CCDC7: variants seen among roughly 807,000 people sequenced by gnomAD.
CCDC7 encodes coiled-coil domain-containing protein 7.
CCDC7 carries 183 observed loss-of-function variants against 196.9 expected under a neutral mutation model. The ratio of observed to expected loss-of-function variants is 0.93; its 90% CI spans 0.82 to 1.05. The LOEUF (loss-of-function observed/expected upper bound fraction) is 1.05, where lower values mean the gene tolerates loss of function less well. Among genes scored for constraint, CCDC7 ranks in the 50% least tolerant of loss-of-function variants. CCDC7 has a pLI of 0.00. For synonymous variants in CCDC7, 525 were observed against 484.6 expected (o/e 1.08, Z -1.10); for missense variants, 1,540 against 1,482.2 (o/e 1.04, Z -0.64).
intron 23 of CCDC7, among the ~76,000 whole-genome samples, chr10:32,694,261 C>T (rs565461147): frequency 4.0e-4 from 61 of 152,198 alleles, no homozygotes; most frequent in Non-Finnish European, 2.5e-4. Context: ...TTTCTTAAAT[C>T]TGTGTATAGC....
At chr10:32,449,737 C>T (rs533261225), upstream of CCDC7, among the ~76,000 whole-genome samples, 4 of 152,228 alleles carry the variant, frequency 2.6e-5, no homozygotes, top group South Asian at 8.3e-4. Context: ...AAATTGGGAC[C>T]CAATTCAACA....
intron 9 of CCDC7, among the ~76,000 whole-genome samples, chr10:32,517,101 T>C (rs1001480176): frequency 6.6e-6 from 1 of 152,210 alleles, no homozygotes; most frequent in Non-Finnish European, 1.5e-5. Context: ...CTGAAACTTA[T>C]TTTTGTAAAT....
At chr10:32,679,090 A>G (rs2075464930) in intron 21 of CCDC7, among the ~76,000 whole-genome samples, 2 of 152,192 alleles carry the variant, frequency 1.3e-5, no homozygotes, top group African/African-American at 4.8e-5. Flanking sequence ...GACCTAAAGC[A>G]TGTATACTCT....
chr10:32,717,178 A>C (rs996181414), intron 25 of CCDC7, among the ~76,000 whole-genome samples: 1 of 151,958 alleles, frequency 6.6e-6, no homozygotes, highest in Non-Finnish European at 1.5e-5. Context: ...AAATCGTAAC[A>C]ATCTCTCAGA....
At chr10:32,706,966 T>G (rs954964975) in intron 24 of CCDC7, among the ~76,000 whole-genome samples, 1 of 152,148 alleles carries the variant, frequency 6.6e-6, no homozygotes. Context: ...CCCAACTCAT[T>G]TTATGAGGCC....
chr10:32,572,906 C>T (rs1590053245), intron 16 of CCDC7, among the ~76,000 whole-genome samples: 1 of 114,986 alleles, frequency 8.7e-6, no homozygotes, highest in South Asian at 3.1e-4. Flanking sequence ...GATGGAGTCT[C>T]GCTTTTAATT....
intron 28 of CCDC7, among the ~76,000 whole-genome samples, chr10:32,736,538 C>T (rs577920206): frequency 3.5e-4 from 53 of 152,048 alleles, no homozygotes; most frequent in African/African-American, 1.2e-3. Flanking sequence ...TATCCCTCCC[C>T]GCTCCCCCCA....
intron 29 of CCDC7, among the ~76,000 whole-genome samples, chr10:32,791,411 C>T (rs924710969): frequency 6.6e-6 from 1 of 151,756 alleles, no homozygotes; most frequent in African/African-American, 2.4e-5. Flanking sequence ...AAAAGGAATT[C>T]AAAATAATGA....
chr10:32,627,099 G>A (rs78697008), intron 18 of CCDC7, among the ~76,000 whole-genome samples: 1 of 151,542 alleles, frequency 6.6e-6, no homozygotes, highest in Admixed American at 6.6e-5. Flanking sequence ...AGTGACATTG[G>A]AATTTTAATA....
intron 18 of CCDC7, among the ~76,000 whole-genome samples, chr10:32,597,312 C>A (rs978685470): frequency 6.6e-6 from 1 of 152,136 alleles, no homozygotes; most frequent in Non-Finnish European, 1.5e-5. Flanking sequence ...TTGATCAAAT[C>A]GGCTACTGAA....
At chr10:32,816,196 G>A (rs908033086) in intron 31 of CCDC7, among the ~76,000 whole-genome samples, 4 of 152,214 alleles carry the variant, frequency 2.6e-5, no homozygotes, top group Admixed American at 6.5e-5. Flanking sequence ...TATATCCTGC[G>A]CATGGCTCGG....
intron 3 of CCDC7, among the ~76,000 whole-genome samples, chr10:32,459,458 G>A (rs2035113415): frequency 6.6e-6 from 1 of 152,004 alleles, no homozygotes; most frequent in African/African-American, 2.4e-5. Context: ...GAGGGTTGCT[G>A]TTTTTAAGAC....
At chr10:32,624,834 C>T (rs756808212) in intron 18 of CCDC7, among the ~76,000 whole-genome samples, 11 of 151,902 alleles carry the variant, frequency 7.2e-5, no homozygotes, top group Non-Finnish European at 1.6e-4. Context: ...GTCATTTGCC[C>T]ATTTTTAATT....
chr10:32,753,713 T>C (rs2133554710), intron 28 of CCDC7, among the ~76,000 whole-genome samples: 1 of 152,306 alleles, frequency 6.6e-6, no homozygotes, highest in Admixed American at 6.5e-5. Context: ...TTTGCTACCA[T>C]TTCTCTGTGG....
At chr10:32,803,000 C>A (rs2085108189) in intron 29 of CCDC7, among the ~76,000 whole-genome samples, 1 of 152,228 alleles carries the variant, frequency 6.6e-6, no homozygotes, top group Non-Finnish European at 1.5e-5. Context: ...CACAGACACA[C>A]CCAGGAACAA....
intron 28 of CCDC7, among the ~76,000 whole-genome samples, chr10:32,740,062 G>A (rs1161244334): frequency 6.6e-6 from 1 of 152,100 alleles, no homozygotes; most frequent in East Asian, 1.9e-4. Flanking sequence ...ACACTTCACA[G>A]GAGACTCCTA....
At chr10:32,801,204 G>T (rs571003024) in intron 29 of CCDC7, among the ~76,000 whole-genome samples, 53 of 152,230 alleles carry the variant, frequency 3.5e-4, no homozygotes, top group African/African-American at 1.2e-3. Flanking sequence ...TCGAAGTATT[G>T]GTCAAGATTA....
chr10:32,459,336 A>T (rs992169707), intron 3 of CCDC7, among the ~76,000 whole-genome samples: 1 of 151,540 alleles, frequency 6.6e-6, no homozygotes, highest in African/African-American at 2.4e-5. Flanking sequence ...TAGAGAGCTC[A>T]AAAGTGGGAA....
intron 21 of CCDC7, among the ~76,000 whole-genome samples, chr10:32,677,212 T>C (rs945409191): frequency 2.1e-5 from 2 of 94,800 alleles, no homozygotes; most frequent in Non-Finnish European, 4.0e-5. Flanking sequence ...CTGGGGACTG[T>C]TGTGGGGTGG....
Sources: gnomAD v4.1 joint callset for allele counts (sites outside exome capture counted in the v4.1 genomes callset) on GRCh38, gnomAD v4.1.1 for gene constraint, MANE v1.5 for transcripts, NCBI Gene and HGNC (gene_info 2026-07-23, HGNC 2026-07-21) for gene names.